Variants in DZANK1 observed in about 807,000 individuals in gnomAD.
The protein encoded by DZANK1 is double zinc ribbon and ankyrin repeat-containing protein 1.
DZANK1 carries 91 observed loss-of-function variants against 94.5 expected under a neutral mutation model. The ratio of observed to expected loss-of-function variants is 0.96; its 90% confidence interval spans 0.81 to 1.15. The LOEUF is 1.15. Among genes scored for constraint, DZANK1 ranks in the 50% most tolerant of loss-of-function variants. The pLI, the probability that DZANK1 is intolerant of heterozygous loss-of-function variation, is 0.00. For synonymous variants in DZANK1, 312 were observed against 325.3 expected (o/e 0.96, Z 0.44); for missense variants, 903 against 916.4 (o/e 0.99, Z 0.19).
intron 13 of DZANK1, among the ~76,000 whole-genome samples, chr20:18,411,178 T>C (rs2057239340): frequency 6.6e-6 from 1 of 151,832 alleles, no homozygotes; most frequent in African/African-American, 2.4e-5. Context: ...ATACAGAATA[T>C]AAAAATAATA....
rs368104155 is a variant in DZANK1, at chr20:18,429,897, G to A, written c.862-2738C>T. On this transcript the variant is annotated intron_variant, in intron 9 of 20. Coordinates refer to ENST00000262547, the Ensembl canonical transcript of DZANK1. ...TCATAAATTCACAGATGTCTGTGGC[G>A]GTGATTTGGAATTGAGGCTACCATC... 1.6e-3 allele frequency among the ~76,000 whole-genome samples: 238 copies of A among 152,232 alleles called. 1 individual carries two copies. Among genetic ancestry groups the A allele is most frequent in the African/African-American group, 5.2e-3 (215 of 41,528 alleles).
chr20:18,451,927 A>G (rs2059115950), intron 6 of DZANK1: 1 of 518,808 alleles, frequency 1.9e-6, no homozygotes, highest in Admixed American at 1.9e-5. Context: ...GTGGCCAAAC[A>G]GAAAACTTTT....
At chr20:18,390,251 A>G in intron 18 of DZANK1, 128 bp downstream of exon 18, 1 of 772,412 alleles carries the variant, frequency 1.3e-6, no homozygotes, top group African/African-American at 1.7e-5. Flanking sequence ...CATTCACTAT[A>G]TCCCGGGTTT....
intron 11 of DZANK1, among the ~76,000 whole-genome samples, chr20:18,414,969 G>A (rs575281197): frequency 1.3e-5 from 2 of 152,286 alleles, no homozygotes; most frequent in Non-Finnish European, 2.9e-5. Context: ...TAGAGAGAGA[G>A]GAGACTAACC....
chr20:18,384,136 TGTAA>T (rs2048339062), exon 21 of DZANK1: 1 of 270,876 alleles, frequency 3.7e-6, no homozygotes, highest in South Asian at 7.9e-5. Flanking sequence ...CTTGGCTCAC[TGTAA>T]CCTCTGCCTC....
chr20:18,423,259 A>C (rs2057880622), intron 10 of DZANK1, among the ~76,000 whole-genome samples: 1 of 152,214 alleles, frequency 6.6e-6, no homozygotes. Flanking sequence ...CAACAATGAA[A>C]CAACCTAACA....
At chr20:18,437,347 G>A (rs2148651875) in intron 8 of DZANK1, among the ~76,000 whole-genome samples, 1 of 152,318 alleles carries the variant, frequency 6.6e-6, no homozygotes, top group African/African-American at 2.4e-5. Flanking sequence ...GGGAGGCCAA[G>A]GCAGGCGGAT....
intron 7 of DZANK1, among the ~76,000 whole-genome samples, chr20:18,445,096 C>G (rs1038599832): frequency 1.3e-5 from 2 of 152,036 alleles, no homozygotes; most frequent in African/African-American, 4.8e-5. Context: ...CGTGAGCCAC[C>G]GCGCCCGGCC....
chr20:18,436,006 T>G (rs2058507332), intron 8 of DZANK1, among the ~76,000 whole-genome samples: 1 of 151,998 alleles, frequency 6.6e-6, no homozygotes. Context: ...AAGAAAAAAC[T>G]TATGAGACAT....
intron 14 of DZANK1, 62 bp downstream of exon 14, chr20:18,398,460 AT>A: frequency 6.7e-7 from 1 of 1,499,956 alleles, no homozygotes; most frequent in Non-Finnish European, 9.3e-7. Context: ...GGCAAAGTCC[AT>A]GGAGGGTTCC....
chr20:18,443,591 G>A (rs1016590848), intron 7 of DZANK1, 127 bp from the exon 8 acceptor site: 1 of 556,834 alleles, frequency 1.8e-6, no homozygotes, highest in Non-Finnish European at 3.2e-6. Context: ...CAATGGCTAT[G>A]GAACAAGTTC....
In DZANK1 at chr20:18,462,869, C is replaced by T. The variant is rs565935016; in HGVS notation, c.109+2381G>A. ...ATGAAAATCACCTGAACCCAGGAGGCGGAGGTTGCAGTGACCCAAGATTGC... is the reference window on the plus strand; with the variant it reads ...ATGAAAATCACCTGAACCCAGGAGGTGGAGGTTGCAGTGACCCAAGATTGC... On this transcript the variant is annotated intron_variant, in intron 2 of 20. Transcript: ENST00000262547. 1.3e-4 allele frequency among the ~76,000 whole-genome samples: 18 copies of T among 143,008 alleles called. No individual in the cohort carries two copies. In the East Asian group the frequency reaches 3.6e-3, roughly 29 times the overall value. The allele number at this position is 143,008 out of a possible 152,430, so 93.8% of individuals were successfully genotyped here.
At chr20:18,416,599 C>T (rs1197241729) in intron 10 of DZANK1, among the ~76,000 whole-genome samples, 1 of 152,040 alleles carries the variant, frequency 6.6e-6, no homozygotes, top group East Asian at 1.9e-4. Flanking sequence ...GGCACTTTTC[C>T]CTAAAGACAC....
At position 18,394,367 on chromosome 20, in the gene DZANK1, T is replaced by C; in HGVS notation, c.1612-17A>G. 6.2e-7 allele frequency: 1 copy of C among 1,609,982 alleles called. No homozygotes were observed. Among genetic ancestry groups the C allele is most frequent in the Non-Finnish European group, 8.5e-7 (1 of 1,177,630 alleles). On this transcript the variant is annotated splice_polypyrimidine_tract_variant and intron_variant, in intron 15 of 20. Coordinates refer to ENST00000262547, the Ensembl canonical transcript of DZANK1. The stretch of plus-strand genomic sequence containing the variant: ...GTAAAGGTTCTGGCCAATGAAAACA[T>C]TTAAACACCATGAATGATGAGGCTG...
At chr20:18,443,592 G>A in intron 7 of DZANK1, 128 bp from the exon 8 acceptor site, 1 of 556,378 alleles carries the variant, frequency 1.8e-6, no homozygotes. Context: ...AATGGCTATG[G>A]AACAAGTTCA....
In DZANK1 at chr20:18,393,797, G is replaced by A. The variant is rs763380328; in HGVS notation, c.1723C>T (p.Gln575Ter). 1 of 1,610,970 alleles carries A rather than the reference G, an allele frequency of 6.2e-7. No homozygotes were observed. Among genetic ancestry groups the A allele is most frequent in the African/African-American group, 1.3e-5 (1 of 74,814 alleles). ...TTTTCAATAGTATCTGAGGTACTCT[G>A]GCTGTAGTCACTCACTGAAATGACA... The change falls in exon 17 of 21, where the codon CAG (glutamine) becomes TAG (stop). Residue 575 changes from glutamine to a stop codon, truncating the protein, a stop_gained. Transcript: ENST00000262547. LOFTEE classifies it high-confidence loss of function.
At chr20:18,460,016 A>C in intron 3 of DZANK1, 137 bp downstream of exon 3, 1 of 627,980 alleles carries the variant, frequency 1.6e-6, no homozygotes. Context: ...AATGTTACAT[A>C]CATATGCTGA....
chr20:18,455,173 C>T, intron 4 of DZANK1, 74 bp downstream of exon 4: 1 of 1,123,808 alleles, frequency 8.9e-7, no homozygotes, highest in Non-Finnish European at 1.3e-6. Flanking sequence ...TAATAAAAGG[C>T]AAGATCTGCT....
intron 7 of DZANK1, among the ~76,000 whole-genome samples, chr20:18,444,509 C>T (rs192240025): frequency 1.4e-4 from 21 of 152,266 alleles, no homozygotes; most frequent in Non-Finnish European, 2.1e-4. Context: ...CAAGTCTTCA[C>T]CTGGGTACTA....
Sources: gnomAD v4.1 joint callset for allele counts (sites outside exome capture counted in the v4.1 genomes callset) on GRCh38, gnomAD v4.1.1 for gene constraint, MANE v1.5 for transcripts, NCBI Gene and HGNC (gene_info 2026-07-23, HGNC 2026-07-21) for gene names.